C10orf67: variants seen among roughly 807,000 people sequenced by gnomAD.
The protein encoded by C10orf67 is chromosome 10 open reading frame 67.
A neutral mutation model predicts 35.6 loss-of-function variants in C10orf67; 60 were observed. That is an observed-to-expected ratio of 1.68 (90% CI 1.37 to 2.09). C10orf67 has a LOEUF of 2.09. C10orf67 is among the 30% of genes most tolerant of loss of function. C10orf67 has a pLI of 0.00. For missense variants in C10orf67, 474 were observed against 330.2 expected, an observed-to-expected ratio of 1.44 and a Z score of -3.38; for synonymous variants, 167 against 115.8, an observed-to-expected ratio of 1.44 and a Z score of -2.84.
intron 15 of C10orf67, among the ~76,000 whole-genome samples, chr10:23,207,048 C>T (rs1841177269): frequency 6.6e-6 from 1 of 152,132 alleles, no homozygotes; most frequent in African/African-American, 2.4e-5. Flanking sequence ...AAAGTTACTA[C>T]AAATGTTTCA....
chr10:23,267,112 C>T, intron 9 of C10orf67, 83 bp downstream of exon 9: 1 of 664,232 alleles, frequency 1.5e-6, no homozygotes, highest in Non-Finnish European at 2.7e-6. Context: ...CAGTATGCTA[C>T]ACAGATTTGT....
At chr10:23,250,267 T>A (rs577736521) in intron 12 of C10orf67, among the ~76,000 whole-genome samples, 188 bp downstream of exon 12, 2 of 152,192 alleles carry the variant, frequency 1.3e-5, no homozygotes, top group Admixed American at 6.5e-5. Flanking sequence ...AATGAAAACA[T>A]CTTGAATGAT....
intron 8 of C10orf67, among the ~76,000 whole-genome samples, chr10:23,277,425 T>C (rs895460497): frequency 2.0e-5 from 3 of 151,866 alleles, no homozygotes; most frequent in Non-Finnish European, 4.4e-5. Context: ...TCTTGGTGCA[T>C]GGCTGTAATC....
At chr10:23,299,476 T>C (rs1843999583) in intron 5 of C10orf67, among the ~76,000 whole-genome samples, 1 of 152,186 alleles carries the variant, frequency 6.6e-6, no homozygotes, top group Non-Finnish European at 1.5e-5. Context: ...TTCTCCTATG[T>C]TCAGGTGTAT....
intron 15 of C10orf67, among the ~76,000 whole-genome samples, chr10:23,205,204 C>A (rs1841125621): frequency 6.6e-6 from 1 of 152,188 alleles, no homozygotes; most frequent in Admixed American, 6.5e-5. Context: ...AAGTATCAAC[C>A]AGGAAAGCCC....
intron 12 of C10orf67, among the ~76,000 whole-genome samples, chr10:23,247,509 T>C (rs1842347410): frequency 6.6e-6 from 1 of 152,196 alleles, no homozygotes. Context: ...CACTCTAAGA[T>C]GCTCACACAA....
intron 5 of C10orf67, among the ~76,000 whole-genome samples, chr10:23,300,033 A>C (rs1027805106): frequency 6.6e-6 from 1 of 151,678 alleles, no homozygotes; most frequent in African/African-American, 2.4e-5. Context: ...GAGACAGTTA[A>C]CCTCCTGGCC....
chr10:23,219,056 T>A (rs1246960433), intron 15 of C10orf67, among the ~76,000 whole-genome samples: 1 of 152,220 alleles, frequency 6.6e-6, no homozygotes, highest in Non-Finnish European at 1.5e-5. Flanking sequence ...TATAAATCAG[T>A]GCAAAACATA....
intron 13 of C10orf67, among the ~76,000 whole-genome samples, chr10:23,235,874 A>C (rs1209286885): frequency 6.6e-6 from 1 of 151,950 alleles, no homozygotes; most frequent in South Asian, 2.1e-4. Context: ...CCCAGCACTT[A>C]GGGAGGCCAA....
At chr10:23,309,582 G>A (rs1239211166) in intron 4 of C10orf67, among the ~76,000 whole-genome samples, 1 of 152,144 alleles carries the variant, frequency 6.6e-6, no homozygotes, top group Non-Finnish European at 1.5e-5. Context: ...GCATGACAGC[G>A]CAGAAACCAA....
chr10:23,293,466 G>A (rs1174877270), intron 5 of C10orf67, among the ~76,000 whole-genome samples: 2 of 152,160 alleles, frequency 1.3e-5, no homozygotes, highest in Non-Finnish European at 2.9e-5. Context: ...CAGGTTTTGT[G>A]GTGGTGTTCC....
intron 5 of C10orf67, among the ~76,000 whole-genome samples, chr10:23,295,211 C>A (rs1278634808): frequency 6.6e-6 from 1 of 152,136 alleles, no homozygotes; most frequent in African/African-American, 2.4e-5. Context: ...TTGGAATAAC[C>A]AGAGTATTCT....
At chr10:23,283,372 C>T (rs1381964301) in intron 7 of C10orf67, among the ~76,000 whole-genome samples, 1 of 152,134 alleles carries the variant, frequency 6.6e-6, no homozygotes, top group Non-Finnish European at 1.5e-5. Context: ...TAATTCATGT[C>T]TGTATGAATT....
intron 2 of C10orf67, among the ~76,000 whole-genome samples, chr10:23,325,067 T>G (rs1039959152): frequency 2.6e-5 from 4 of 152,186 alleles, no homozygotes; most frequent in Non-Finnish European, 5.9e-5. Context: ...CCAGGCATGA[T>G]GGCTTATGCC....
rs138668806 is a variant in C10orf67, at chr10:23,220,510, A to G, written c.1570+3088T>C. On this transcript the variant is annotated intron_variant, in intron 15 of 15. Transcript: ENST00000636213. The stretch of plus-strand genomic sequence containing the variant: ...CCAGGTTAGCTCTGTTACACCATGG[A>G]TTTTCCACACTGTGTTTTATTGAAA... Among the ~76,000 whole-genome samples, 152 of 152,266 alleles carry G rather than the reference A, an allele frequency of 1.0e-3. 2 individuals are homozygous for G. In the East Asian group the frequency reaches 0.019, roughly 19 times the overall value.
chr10:23,210,527 C>T (rs543999759), intron 15 of C10orf67, among the ~76,000 whole-genome samples: 1 of 152,214 alleles, frequency 6.6e-6, no homozygotes, highest in East Asian at 1.9e-4. Context: ...TCAAGTGATC[C>T]TCCCACCTCA....
chr10:23,225,793 A>T (rs977888795), intron 13 of C10orf67, among the ~76,000 whole-genome samples: 1 of 152,334 alleles, frequency 6.6e-6, no homozygotes, highest in African/African-American at 2.4e-5. Flanking sequence ...GTAATGGTAA[A>T]GGGATCAATT....
intron 8 of C10orf67, among the ~76,000 whole-genome samples, chr10:23,280,780 A>G (rs1843343910): frequency 6.6e-6 from 1 of 152,246 alleles, no homozygotes. Flanking sequence ...TAATTCAAAG[A>G]GTATGGGATC....
Position 23,204,257 on chromosome 10 carries a change from T to C in C10orf67, c.1571-2A>G, listed in dbSNP as rs1841097909. On this transcript the variant is annotated splice_acceptor_variant, in intron 15 of 15. Coordinates refer to ENST00000636213, the MANE Select transcript of C10orf67 (RefSeq NM_001371909.1). LOFTEE classifies it high-confidence loss of function. ...CTTTTGGGGATTCCGACAACTTCCC[T>C]AAACGTGAAGAAAGGTGGACAGACA... The C allele has an allele frequency of 6.2e-6, 4 of 640,986 alleles. No homozygotes were observed. Among genetic ancestry groups the C allele is most frequent in the South Asian group, 5.3e-5 (3 of 56,086 alleles). The allele number at this position is 640,986 out of a possible 1,614,324, so 39.7% of individuals were successfully genotyped here.
Sources: allele counts gnomAD v4.1 joint callset (sites outside exome capture counted in the v4.1 genomes callset), GRCh38; gene constraint gnomAD v4.1.1; transcripts MANE v1.5; gene names NCBI Gene and HGNC (gene_info 2026-07-23, HGNC 2026-07-21).